Variants in VAT1L observed in about 807,000 individuals in gnomAD.
The protein encoded by VAT1L is putative NADPH-dependent quinone oxidoreductase VAT1L.
VAT1L carries 34 observed loss-of-function variants against 44.1 expected under a neutral mutation model. The observed-to-expected ratio is 0.77, with a 90% CI of 0.59 to 1.03. VAT1L has a LOEUF of 1.03. VAT1L is among the 50% of genes least tolerant of loss of function. The probability of loss-of-function intolerance (pLI) is 0.00; values close to 1 mark genes in which losing one functional copy is unlikely to be tolerated. For missense variants in VAT1L, 615 were observed against 538.8 expected (o/e 1.14, Z -1.40); for synonymous variants, 253 against 202.2 (o/e 1.25, Z -2.13).
At chr16:77,878,872 CA>C (rs1240818017) in intron 5 of VAT1L, among the ~76,000 whole-genome samples, 2 of 152,168 alleles carry the variant, frequency 1.3e-5, no homozygotes, top group Non-Finnish European at 2.9e-5. Context: ...GACATTTCAG[CA>C]ACTCATCATT....
rs1156450964 is a variant in VAT1L, at chr16:77,978,304, C to A, written c.*609C>A. The A allele has an allele frequency of 1.3e-5, 2 of 152,566 alleles. No homozygotes were observed. Among genetic ancestry groups the A allele is most frequent in the South Asian group, 4.1e-4 (2 of 4,840 alleles). The allele number at this position is 152,566 out of a possible 1,614,324, so 9.5% of individuals were successfully genotyped here. ...ACCCCTTCAGTGTCTGACCCTTTCACTGGCTCTTATCTGTAAACACAGGGA... is the reference window on the plus strand; with the variant it reads ...ACCCCTTCAGTGTCTGACCCTTTCAATGGCTCTTATCTGTAAACACAGGGA... On this transcript the variant is annotated 3_prime_UTR_variant, in exon 9 of 9. Coordinates refer to ENST00000302536, the MANE Select transcript of VAT1L (RefSeq NM_020927.3).
intron 4 of VAT1L, among the ~76,000 whole-genome samples, chr16:77,870,447 G>A (rs1223731423): frequency 2.0e-5 from 3 of 152,138 alleles, no homozygotes; most frequent in Admixed American, 6.5e-5. Flanking sequence ...AAGGTCAAAG[G>A]GTTTCTCTCT....
At chr16:77,816,421 T>C (rs1431568673) in intron 1 of VAT1L, among the ~76,000 whole-genome samples, 4 of 152,160 alleles carry the variant, frequency 2.6e-5, no homozygotes, top group African/African-American at 9.7e-5. Context: ...TGTGTGATGA[T>C]TGAGGAGAGG....
At chr16:77,888,245 T>A (rs1334943729) in intron 7 of VAT1L, among the ~76,000 whole-genome samples, 1 of 152,184 alleles carries the variant, frequency 6.6e-6, no homozygotes, top group Non-Finnish European at 1.5e-5. Flanking sequence ...TCAGTTGAAA[T>A]GATCCTGTTC....
chr16:77,853,224 ATTTTC>A (rs1212728829), intron 3 of VAT1L, among the ~76,000 whole-genome samples: 1 of 152,114 alleles, frequency 6.6e-6, no homozygotes, highest in Non-Finnish European at 1.5e-5. Flanking sequence ...ATGGGGGCTT[ATTTTC>A]TCTTCCTACT....
At chr16:77,811,938 T>TCAAACAAACAAA (rs1193853956) in intron 1 of VAT1L, among the ~76,000 whole-genome samples, 1 of 152,138 alleles carries the variant, frequency 6.6e-6, no homozygotes, top group Non-Finnish European at 1.5e-5. Context: ...TAAAGGACCA[T>TCAAACAAACAAA]CAAACAAACA....
intron 7 of VAT1L, among the ~76,000 whole-genome samples, chr16:77,932,101 A>AAT (rs2017738319): frequency 1.9e-5 from 2 of 103,890 alleles, no homozygotes; most frequent in African/African-American, 3.1e-5. Context: ...GAAATACAGT[A>AAT]ATTTTTTTTT....
chr16:77,825,582 A>T, intron 3 of VAT1L, 121 bp downstream of exon 3: 1 of 1,161,348 alleles, frequency 8.6e-7, no homozygotes, highest in Non-Finnish European at 1.2e-6. Context: ...TGGTTCTGGT[A>T]GAGTTCACAT....
chr16:77,909,665 C>G (rs2017477581), intron 7 of VAT1L, among the ~76,000 whole-genome samples: 1 of 145,268 alleles, frequency 6.9e-6, no homozygotes, highest in Non-Finnish European at 1.5e-5. Flanking sequence ...AAAGACTTCT[C>G]TTGAGCTACT....
intron 1 of VAT1L, among the ~76,000 whole-genome samples, chr16:77,792,403 T>A (rs2145202716): frequency 6.6e-6 from 1 of 152,186 alleles, no homozygotes; most frequent in Non-Finnish European, 1.5e-5. Flanking sequence ...GCAGGGATCC[T>A]TTTTCAGGTG....
At chr16:77,853,617 G>A (rs2016827941) in intron 3 of VAT1L, among the ~76,000 whole-genome samples, 1 of 151,892 alleles carries the variant, frequency 6.6e-6, no homozygotes, top group East Asian at 1.9e-4. Context: ...TCCCCTAGAG[G>A]GCCTGTTCAA....
intron 1 of VAT1L, among the ~76,000 whole-genome samples, chr16:77,799,008 C>G (rs1353293931): frequency 6.6e-6 from 1 of 152,118 alleles, no homozygotes; most frequent in South Asian, 2.1e-4. Flanking sequence ...TTCATGTACT[C>G]CTGCTGCAAT....
chr16:77,857,828 ATCTC>A (rs945986719), intron 3 of VAT1L, among the ~76,000 whole-genome samples: 16 of 139,406 alleles, frequency 1.1e-4, no homozygotes, highest in Non-Finnish European at 2.0e-4. Context: ...TACCTATATT[ATCTC>A]TCTCTTTTTT....
chr16:77,876,276 T>G, intron 4 of VAT1L, 94 bp from the exon 5 acceptor site: 2 of 1,137,556 alleles, frequency 1.8e-6, no homozygotes, highest in East Asian at 2.4e-5. Context: ...TTCCTAATTC[T>G]GAGAGTCAGA....
intron 7 of VAT1L, among the ~76,000 whole-genome samples, chr16:77,964,886 C>T (rs561786119): frequency 1.2e-3 from 187 of 149,792 alleles, no homozygotes; most frequent in African/African-American, 4.4e-3. Context: ...TTCCGCCTCC[C>T]CGGTTCAAGC....
intron 7 of VAT1L, chr16:77,893,051 TC>T: frequency 1.9e-6 from 1 of 535,554 alleles, no homozygotes; most frequent in Non-Finnish European, 3.4e-6. Flanking sequence ...TTCCATGTTT[TC>T]CTTGTTCCCT....
intron 7 of VAT1L, among the ~76,000 whole-genome samples, chr16:77,910,982 T>C (rs945897874): frequency 2.0e-5 from 3 of 152,346 alleles, no homozygotes; most frequent in African/African-American, 4.8e-5. Flanking sequence ...CAGAGTCACA[T>C]TGCTAACAAG....
chr16:77,832,720 A>G lies in VAT1L; in HGVS notation c.579+7259A>G, dbSNP rs941873250. 3.9e-5 allele frequency among the ~76,000 whole-genome samples: 6 copies of G among 152,364 alleles called. No individual in the cohort carries two copies. The South Asian group carries it at 8.3e-4, about 21-fold the overall frequency. ...TATGGATGAGGCATTTCCCAGTGTCATTCAAACTATTTAAAAGGATAAACC... is the reference window on the plus strand; with the variant it reads ...TATGGATGAGGCATTTCCCAGTGTCGTTCAAACTATTTAAAAGGATAAACC... On this transcript the variant is annotated intron_variant, in intron 3 of 8. Coordinates refer to ENST00000302536, the MANE Select transcript of VAT1L (RefSeq NM_020927.3).
At chr16:77,917,639 G>A (rs994005270) in intron 7 of VAT1L, among the ~76,000 whole-genome samples, 1 of 152,140 alleles carries the variant, frequency 6.6e-6, no homozygotes, top group Non-Finnish European at 1.5e-5. Flanking sequence ...ACGGAGACTC[G>A]AAAGAACTGG....
Sources: allele counts gnomAD v4.1 joint callset (sites outside exome capture counted in the v4.1 genomes callset), GRCh38; gene constraint gnomAD v4.1.1; transcripts MANE v1.5; gene names NCBI Gene and HGNC (gene_info 2026-07-23, HGNC 2026-07-21).